The following DCLK1 variants were observed in gnomAD, a reference collection of about 807,000 sequenced individuals.
DCLK1 encodes the protein serine/threonine-protein kinase DCLK1.
A neutral mutation model predicts 86.2 loss-of-function variants in DCLK1; 16 were observed. The observed-to-expected ratio is 0.19, with a 90% CI of 0.13 to 0.28. The LOEUF is 0.28. Among genes scored for constraint, DCLK1 ranks in the 10% least tolerant of loss-of-function variants. The probability of loss-of-function intolerance (pLI) is 1.00; values close to 1 mark genes in which losing one functional copy is unlikely to be tolerated. For missense variants in DCLK1, 590 were observed against 940.2 expected (o/e 0.63, Z 4.87); for synonymous variants, 369 against 370.5 (o/e 1.00, Z 0.05).
At chr13:36,058,506 T>A (rs1404250812) in intron 3 of DCLK1, among the ~76,000 whole-genome samples, 3 of 152,142 alleles carry the variant, frequency 2.0e-5, no homozygotes, top group Non-Finnish European at 2.9e-5. Flanking sequence ...AGGCACTTAG[T>A]GAGGAAGGAT....
chr13:35,888,761 C>A (rs1262444103), intron 4 of DCLK1, among the ~76,000 whole-genome samples: 1 of 152,214 alleles, frequency 6.6e-6, no homozygotes, highest in East Asian at 1.9e-4. Context: ...TTACTGCAAT[C>A]CACAAGGCAG....
chr13:35,851,494 C>T (rs545620236), intron 6 of DCLK1, among the ~76,000 whole-genome samples: 116 of 152,212 alleles, frequency 7.6e-4, no homozygotes, highest in Non-Finnish European at 1.4e-3. Context: ...CCACTCCTCA[C>T]ATCATCTGAC....
At chr13:35,828,161 G>A in intron 9 of DCLK1, 89 bp downstream of exon 9, 1 of 1,096,906 alleles carries the variant, frequency 9.1e-7, no homozygotes, top group Non-Finnish European at 1.4e-6. Context: ...CAACCCTTAG[G>A]GTGAACTTGT....
intron 3 of DCLK1, among the ~76,000 whole-genome samples, chr13:36,012,354 C>T (rs1881312273): frequency 6.6e-6 from 1 of 151,804 alleles, no homozygotes; most frequent in South Asian, 2.1e-4. Flanking sequence ...ATGATTTTGC[C>T]ACGGCTGTTA....
intron 4 of DCLK1, among the ~76,000 whole-genome samples, chr13:35,892,098 T>C (rs1216733405): frequency 6.6e-6 from 1 of 152,196 alleles, no homozygotes; most frequent in Non-Finnish European, 1.5e-5. Context: ...TTTTATGCTC[T>C]TGTGTGTCCT....
intron 5 of DCLK1, chr13:35,855,435 C>T: frequency 1.4e-6 from 2 of 1,418,974 alleles, no homozygotes; most frequent in East Asian, 4.9e-5. Flanking sequence ...TAGAATTAAC[C>T]AGGAGACACA....
intron 4 of DCLK1, among the ~76,000 whole-genome samples, chr13:35,945,502 G>A (rs1295991119): frequency 6.6e-6 from 1 of 152,144 alleles, no homozygotes; most frequent in Non-Finnish European, 1.5e-5. Context: ...TCTGCTTGCT[G>A]GTTTGAAAAA....
At chr13:35,917,563 A>G (rs889547458) in intron 4 of DCLK1, among the ~76,000 whole-genome samples, 1 of 152,194 alleles carries the variant, frequency 6.6e-6, no homozygotes, top group Non-Finnish European at 1.5e-5. Context: ...AAGGAGGAAG[A>G]AAAGAAAAAG....
intron 4 of DCLK1, among the ~76,000 whole-genome samples, chr13:35,898,246 A>T (rs567703046): frequency 1.3e-5 from 2 of 152,338 alleles, no homozygotes; most frequent in East Asian, 3.9e-4. Context: ...ATCCTAGAAG[A>T]GTAAGCAGTA....
chr13:35,773,222 T>C lies in DCLK1; in HGVS notation c.*1313A>G, dbSNP rs2086365110. ...TTGGTAACAAGAGTGAAAATACAGG[T>C]CTCAGACAGGACTTGGCCCAAAGAC... On this transcript the variant is annotated 3_prime_UTR_variant, in exon 17 of 17. Coordinates refer to ENST00000360631, the MANE Select transcript of DCLK1 (RefSeq NM_001330071.2). 1 of 152,378 alleles carries C rather than the reference T, an allele frequency of 6.6e-6. No individual in the cohort carries two copies. Among genetic ancestry groups the C allele is most frequent in the Non-Finnish European group, 1.5e-5 (1 of 68,016 alleles). The allele number at this position is 152,378 out of a possible 1,614,324, so 9.4% of individuals were successfully genotyped here. A position where few individuals can be genotyped will look rare whatever the true frequency, so the allele number is the denominator to read the frequency against.
intron 3 of DCLK1, among the ~76,000 whole-genome samples, chr13:35,948,959 A>G (rs1877525173): frequency 6.6e-6 from 1 of 152,166 alleles, no homozygotes; most frequent in Non-Finnish European, 1.5e-5. Flanking sequence ...AATCCTGTTC[A>G]TCTTTACCTT....
At chr13:35,841,329 T>C (rs1566561589) in intron 6 of DCLK1, among the ~76,000 whole-genome samples, 1 of 152,194 alleles carries the variant, frequency 6.6e-6, no homozygotes, top group South Asian at 2.1e-4. Flanking sequence ...CTCTGACCCA[T>C]AGTACATGAA....
chr13:36,120,674 T>A (rs1566020592), intron 2 of DCLK1, among the ~76,000 whole-genome samples: 1 of 151,758 alleles, frequency 6.6e-6, no homozygotes, highest in Non-Finnish European at 1.5e-5. Context: ...TACAAGTTAA[T>A]AAAAACCCTA....
chr13:35,853,426 T>A (rs1028109767), intron 6 of DCLK1, among the ~76,000 whole-genome samples: 2 of 152,134 alleles, frequency 1.3e-5, no homozygotes, highest in African/African-American at 4.8e-5. Context: ...TGAAGAAAGA[T>A]AACCAAACTT....
At chr13:35,895,012 T>C (rs1226842574) in intron 4 of DCLK1, among the ~76,000 whole-genome samples, 2 of 152,178 alleles carry the variant, frequency 1.3e-5, no homozygotes, top group African/African-American at 4.8e-5. Flanking sequence ...AGTTGTGTGA[T>C]CATGGCTCAC....
chr13:36,125,313 A>G (rs1886130418), intron 2 of DCLK1, among the ~76,000 whole-genome samples: 1 of 152,190 alleles, frequency 6.6e-6, no homozygotes, highest in South Asian at 2.1e-4. Flanking sequence ...TTAGACTCCA[A>G]AGATAAAATT....
At position 35,992,456 on chromosome 13, in the gene DCLK1, T is replaced by C. The variant is rs560903586; in HGVS notation, c.724-44999A>G. Among the ~76,000 whole-genome samples the C allele has an allele frequency of 3.7e-3, 565 of 151,432 alleles. 1 individual carries two copies. The highest frequency in any genetic ancestry group is 0.013 in the African/African-American group (551 of 41,212). On this transcript the variant is annotated intron_variant, in intron 3 of 16. Coordinates refer to ENST00000360631, the MANE Select transcript of DCLK1 (RefSeq NM_001330071.2). ...CAAAAGAAAGTGCTTTTTTTTTTTT[T>C]AATGTTGGGGGCTTAAAAGAGGAGT...
intron 4 of DCLK1, among the ~76,000 whole-genome samples, chr13:35,895,375 GA>G (rs1208347226): frequency 6.6e-6 from 1 of 151,964 alleles, no homozygotes; most frequent in Non-Finnish European, 1.5e-5. Flanking sequence ...TATACCTTTA[GA>G]AATATGAACA....
chr13:36,033,984 T>A lies in DCLK1; in HGVS notation c.723+77885A>T, dbSNP rs77021507. Among the ~76,000 whole-genome samples the A allele has an allele frequency of 2.6e-3, 398 of 152,266 alleles. 5 individuals are homozygous for A. Among genetic ancestry groups the A allele is most frequent in the African/African-American group, 9.2e-3 (381 of 41,546 alleles). On this transcript the variant is annotated intron_variant, in intron 3 of 16. Coordinates refer to ENST00000360631, the MANE Select transcript of DCLK1 (RefSeq NM_001330071.2). ...TTTTGCACACTTCTGGAAAATAATA[T>A]AAGCTTGATAGATAATGAGCAATGG...
Sources: allele counts gnomAD v4.1 joint callset (sites outside exome capture counted in the v4.1 genomes callset), GRCh38; gene constraint gnomAD v4.1.1; transcripts MANE v1.5; gene names NCBI Gene and HGNC (gene_info 2026-07-23, HGNC 2026-07-21).